Variants in ABCD3 observed in about 807,000 individuals in gnomAD.
The protein encoded by ABCD3 is ATP-binding cassette sub-family D member 3.
A neutral mutation model predicts 105.5 loss-of-function variants in ABCD3; 41 were observed. The ratio of observed to expected loss-of-function variants is 0.39; its 90% CI spans 0.30 to 0.50. The LOEUF is 0.50. ABCD3 is among the 20% of genes least tolerant of loss of function. ABCD3 has a pLI of 0.84. For synonymous variants in ABCD3, 258 were observed against 269.0 expected (o/e 0.96, Z 0.40); for missense variants, 622 against 806.3 (o/e 0.77, Z 2.77).
Position 94,451,093 on chromosome 1 carries a change from A to C in ABCD3, c.111-7514A>C, listed in dbSNP as rs598962. 3.5e-3 allele frequency among the ~76,000 whole-genome samples: 526 copies of C among 152,272 alleles called. 3 individuals carry two copies. Among genetic ancestry groups the C allele is most frequent in the African/African-American group, 0.012 (487 of 41,538 alleles). On this transcript the variant is annotated intron_variant, in intron 1 of 22. Transcript: ENST00000370214. ...AATTTCATTTGGTTTTCTCAGATCA[A>C]TGTTACTTTTTGGTAGGTATCTTCT...
At chr1:94,501,974 C>T (rs1266809695) in intron 20 of ABCD3, among the ~76,000 whole-genome samples, 2 of 151,838 alleles carry the variant, frequency 1.3e-5, no homozygotes, top group East Asian at 1.9e-4. Context: ...ATTGTTCAGT[C>T]CTTTTCTGTC....
chr1:94,504,862 A>G (rs1301288980), intron 20 of ABCD3, among the ~76,000 whole-genome samples: 14 of 152,244 alleles, frequency 9.2e-5, no homozygotes, highest in Middle Eastern at 3.4e-3. Flanking sequence ...GGCTAAGGGC[A>G]TGTTTGTGGA....
intron 1 of ABCD3, among the ~76,000 whole-genome samples, chr1:94,448,505 G>A (rs1660442810): frequency 6.6e-6 from 1 of 152,222 alleles, no homozygotes; most frequent in Admixed American, 6.5e-5. Context: ...AAAAGGTAAA[G>A]TTTTCCAGAC....
Position 94,507,891 on chromosome 1 carries a change from G to GC in ABCD3, c.1845+1252dup, listed in dbSNP as rs1159331995. Reference sequence around the variant, plus strand: ...AGTTCATTGTAGATTCTGGATATTAGCCCTTTGTCAGATGAGTAGGTTGCG... The same window carrying GC: ...AGTTCATTGTAGATTCTGGATATTAGCCCCTTTGTCAGATGAGTAGGTTGCG... On this transcript the variant is annotated intron_variant, in intron 21 of 22. Coordinates refer to ENST00000370214, the MANE Select transcript of ABCD3 (RefSeq NM_002858.4). Among the ~76,000 whole-genome samples, 6 of 146,336 alleles carry GC rather than the reference G, an allele frequency of 4.1e-5. 1 individual carries two copies. The East Asian group carries it at 1.2e-3, about 29-fold the overall frequency.
rs4148058 is a variant in ABCD3 at position 94,418,439 on chromosome 1, C to T, written c.-40C>T. The T allele has an allele frequency of 0.041, 63,137 of 1,546,526 alleles. 2,018 individuals are homozygous for T. The highest frequency in any genetic ancestry group is 0.2 in the East Asian group (8,218 of 41,978). On this transcript the variant is annotated 5_prime_UTR_variant, in exon 1 of 23. Transcript: ENST00000370214. ...GTAAGGTAGCCGCCGCCGCCGCCGC[C>T]GCCGCGTCCCCTCGCCGGCTCGCTG...
chr1:94,399,892 G>A, the ABCD3 span, among the ~76,000 whole-genome samples: 2 of 152,238 alleles, frequency 1.3e-5, no homozygotes, highest in Admixed American at 6.5e-5. Context: ...GGCTGCACCA[G>A]CGATTTAGTA....
intron 1 of ABCD3, among the ~76,000 whole-genome samples, chr1:94,437,471 A>G (rs758051713): frequency 2.0e-5 from 3 of 152,354 alleles, no homozygotes; most frequent in African/African-American, 4.8e-5. Flanking sequence ...TGTTTACAGC[A>G]TCATTTATTG....
intron 22 of ABCD3, 117 bp from the exon 23 acceptor site, chr1:94,516,935 A>C: frequency 1.3e-6 from 1 of 777,760 alleles, no homozygotes; most frequent in Non-Finnish European, 2.3e-6. Flanking sequence ...GATTTGTGGG[A>C]TGCTTATAGA....
chr1:94,496,337 A>G (rs1043953199), intron 16 of ABCD3, among the ~76,000 whole-genome samples: 8 of 152,150 alleles, frequency 5.3e-5, no homozygotes, highest in African/African-American at 1.9e-4. Flanking sequence ...GAAGTCATAC[A>G]GCATTTGTCC....
intron 20 of ABCD3, among the ~76,000 whole-genome samples, chr1:94,505,931 A>G (rs1274267722): frequency 2.0e-5 from 3 of 152,196 alleles, no homozygotes; most frequent in African/African-American, 7.2e-5. Flanking sequence ...AGAATAAACA[A>G]TCCCCAGAAA....
the ABCD3 span, among the ~76,000 whole-genome samples, chr1:94,388,260 C>G: frequency 6.6e-5 from 10 of 152,178 alleles, no homozygotes; most frequent in Non-Finnish European, 1.0e-4. Flanking sequence ...TCCGTTTAAA[C>G]TAACGTCTAC....
upstream of ABCD3, among the ~76,000 whole-genome samples, chr1:94,414,570 C>T (rs1219390438): frequency 6.6e-6 from 1 of 152,044 alleles, no homozygotes; most frequent in Non-Finnish European, 1.5e-5. Flanking sequence ...ACTACTCTTT[C>T]CCCAGACCTG....
At chr1:94,413,083 TTTA>T in the ABCD3 span, among the ~76,000 whole-genome samples, 1 of 152,134 alleles carries the variant, frequency 6.6e-6, no homozygotes, top group African/African-American at 2.4e-5. Flanking sequence ...AATTTATTTA[TTTA>T]TTTTTTCTAT....
chr1:94,486,988 A>C (rs1649304236), intron 10 of ABCD3, among the ~76,000 whole-genome samples: 1 of 152,208 alleles, frequency 6.6e-6, no homozygotes, highest in African/African-American at 2.4e-5. Context: ...AAGCAGTTTT[A>C]GACTTGTAGT....
the ABCD3 span, among the ~76,000 whole-genome samples, chr1:94,408,156 T>C: frequency 6.6e-6 from 1 of 152,292 alleles, no homozygotes; most frequent in African/African-American, 2.4e-5. Flanking sequence ...ATTTCTATTA[T>C]AGAGGAGCAA....
At position 94,518,001 on chromosome 1, in the gene ABCD3, C is replaced by T. The variant is rs1307419381; in HGVS notation, c.*872C>T. 1 of 151,730 alleles carries T rather than the reference C, an allele frequency of 6.6e-6. No homozygotes were observed. The highest frequency in any genetic ancestry group is 1.5e-5 in the Non-Finnish European group (1 of 67,798). 9.4% of individuals were successfully genotyped at this position (151,730 alleles called of 1,614,324 possible). A position where few individuals can be genotyped will look rare whatever the true frequency, so the allele number is the denominator to read the frequency against. ...ATTTGGTATTAAACTCCAAATGAGC[C>T]ATAGGAAGGCACTACATGAAATAAT... On this transcript the variant is annotated 3_prime_UTR_variant, in exon 23 of 23. Transcript: ENST00000370214.
At chr1:94,448,495 A>G (rs1326139142) in intron 1 of ABCD3, among the ~76,000 whole-genome samples, 1 of 152,232 alleles carries the variant, frequency 6.6e-6, no homozygotes, top group Non-Finnish European at 1.5e-5. Context: ...ATTTTGGATC[A>G]AAAGGTAAAG....
rs1397661367 is a variant in ABCD3 at position 94,517,639 on chromosome 1, T to C, written c.*510T>C. 6.1e-6 allele frequency: 1 copy of C among 164,550 alleles called. No individual in the cohort carries two copies. The highest frequency in any genetic ancestry group is 2.4e-5 in the African/African-American group (1 of 41,482). The allele number at this position is 164,550 out of a possible 1,614,324, so 10.2% of individuals were successfully genotyped here. The stretch of plus-strand genomic sequence containing the variant: ...CATCATTGCATAACAGCGTTTATTA[T>C]ACAGTGGCAGATTTCTTTAGCTGCC... On this transcript the variant is annotated 3_prime_UTR_variant, in exon 23 of 23. Coordinates refer to ENST00000370214, the MANE Select transcript of ABCD3 (RefSeq NM_002858.4).
At chr1:94,448,483 T>C (rs1440277405) in intron 1 of ABCD3, among the ~76,000 whole-genome samples, 1 of 152,254 alleles carries the variant, frequency 6.6e-6, no homozygotes. Context: ...GTAAAGCTTC[T>C]TATTTTGGAT....
Sources: gnomAD v4.1 joint callset for allele counts (sites outside exome capture counted in the v4.1 genomes callset) on GRCh38, gnomAD v4.1.1 for gene constraint, MANE v1.5 for transcripts, NCBI Gene and HGNC (gene_info 2026-07-23, HGNC 2026-07-21) for gene names.